Variants in METTL15 observed in about 807,000 individuals in gnomAD.
METTL15 encodes the protein 12S rRNA N(4)-cytidine methyltransferase METTL15.
A neutral mutation model predicts 38.3 loss-of-function variants in METTL15; 34 were observed. The observed-to-expected ratio is 0.89, with a 90% CI of 0.68 to 1.18. The LOEUF (loss-of-function observed/expected upper bound fraction) is 1.18, where lower values mean the gene tolerates loss of function less well. Among genes scored for constraint, METTL15 ranks in the 50% most tolerant of loss-of-function variants. The probability of loss-of-function intolerance (pLI) is 0.00; values close to 1 mark genes in which losing one functional copy is unlikely to be tolerated. For missense variants in METTL15, 438 were observed against 498.4 expected (o/e 0.88, Z 1.15); for synonymous variants, 162 against 170.9 (o/e 0.95, Z 0.41).
At chr11:28,149,552 G>C (rs1031453840) in intron 3 of METTL15, among the ~76,000 whole-genome samples, 1 of 151,862 alleles carries the variant, frequency 6.6e-6, no homozygotes, top group South Asian at 2.1e-4. Context: ...CTAGGCCGTG[G>C]TGCCTTCATA....
At chr11:28,377,884 C>T (rs1850335613) in intron 5 of METTL15, among the ~76,000 whole-genome samples, 1 of 151,936 alleles carries the variant, frequency 6.6e-6, no homozygotes, top group Admixed American at 6.6e-5. Context: ...AGACAGGACC[C>T]TCAGCTGCAG....
intron 3 of METTL15, chr11:28,122,036 T>C: frequency 1.0e-5 from 6 of 581,192 alleles, no homozygotes; most frequent in Non-Finnish European, 1.4e-5. Context: ...TAATAAATTG[T>C]ATATGATATT....
At chr11:28,351,942 C>T (rs1044987713) in intron 3 of METTL15, 1 of 152,038 alleles carries the variant, frequency 6.6e-6, no homozygotes, top group African/African-American at 2.4e-5. Context: ...CCTTAATTTC[C>T]CCCAATAGGG....
chr11:28,371,264 C>T (rs1441225608), intron 5 of METTL15, among the ~76,000 whole-genome samples: 2 of 152,036 alleles, frequency 1.3e-5, no homozygotes, highest in Non-Finnish European at 2.9e-5. Flanking sequence ...GTTTTCATAG[C>T]ATCATTTGTT....
At chr11:28,383,682 G>A (rs997093374) in intron 5 of METTL15, among the ~76,000 whole-genome samples, 21 of 152,000 alleles carry the variant, frequency 1.4e-4, no homozygotes, top group Admixed American at 2.6e-4. Context: ...ATAGTATCTC[G>A]TGGTTTTGAT....
At chr11:28,316,705 G>A (rs894234770) in intron 6 of METTL15, among the ~76,000 whole-genome samples, 6 of 152,160 alleles carry the variant, frequency 3.9e-5, no homozygotes, top group Non-Finnish European at 8.8e-5. Context: ...AGGACCTGGT[G>A]GAAGATGACT....
intron 4 of METTL15, chr11:28,261,305 G>T (rs1331567217): frequency 6.6e-6 from 1 of 152,200 alleles, no homozygotes. Context: ...GGAGATTTTA[G>T]TGGGGAAGCA....
chr11:28,409,368 C>T lies in METTL15; in HGVS notation c.*359-14931C>T, dbSNP rs1480974586. Among the ~76,000 whole-genome samples, 22 of 104,782 alleles carry T rather than the reference C, an allele frequency of 2.1e-4. No homozygotes were observed. The Admixed American group carries it at 2.4e-3, about 12-fold the overall frequency. 68.7% of individuals were successfully genotyped at this position (104,782 alleles called of 152,430 possible). A position where few individuals can be genotyped will look rare whatever the true frequency, so the allele number is the denominator to read the frequency against. ...CTGCACTCCAGCCTGGGAGACAGAG[C>T]GAGACTCCGTCTCAAAAAAAAAAAA... is the stretch of plus-strand genomic sequence containing the variant. On this transcript the variant is annotated intron_variant and NMD_transcript_variant, in intron 5 of 7. Coordinates refer to the METTL15 transcript ENST00000532947.
At chr11:28,481,375 C>T (rs1270709759) in intron 6 of METTL15, among the ~76,000 whole-genome samples, 1 of 152,138 alleles carries the variant, frequency 6.6e-6, no homozygotes, top group African/African-American at 2.4e-5. Context: ...ACAAATACAC[C>T]TTCTTGTCCT....
chr11:28,240,824 G>GT (rs1460423414), intron 4 of METTL15, among the ~76,000 whole-genome samples: 1 of 152,030 alleles, frequency 6.6e-6, no homozygotes, highest in African/African-American at 2.4e-5. Context: ...GGATAGCCAA[G>GT]TTTTTTTAAT....
At chr11:28,323,986 A>G (rs1022127284) in intron 6 of METTL15, among the ~76,000 whole-genome samples, 6 of 152,192 alleles carry the variant, frequency 3.9e-5, no homozygotes, top group Non-Finnish European at 7.3e-5. Context: ...TCAAAATTGT[A>G]TTGAAATTAG....
At chr11:28,305,448 T>C (rs1857051096) in intron 6 of METTL15, among the ~76,000 whole-genome samples, 1 of 152,180 alleles carries the variant, frequency 6.6e-6, no homozygotes. Context: ...CAGCAACCCA[T>C]GAGGCTGGTA....
At chr11:28,296,731 A>G in intron 5 of METTL15, 22 bp from the exon 6 acceptor site, 1 of 1,611,088 alleles carries the variant, frequency 6.2e-7, no homozygotes, top group East Asian at 2.2e-5. Context: ...TCAGTGAACT[A>G]ATTGGCTCTT....
At chr11:28,364,742 G>T (rs1850170472) in intron 5 of METTL15, among the ~76,000 whole-genome samples, 1 of 152,106 alleles carries the variant, frequency 6.6e-6, no homozygotes, top group Non-Finnish European at 1.5e-5. Flanking sequence ...GTAAGAGTAG[G>T]CATCTTTGTC....
chr11:28,339,410 C>T (rs1849930127), intron 3 of METTL15, among the ~76,000 whole-genome samples: 1 of 151,624 alleles, frequency 6.6e-6, no homozygotes. Flanking sequence ...AAGTATAGTA[C>T]TCAACTTTAA....
chr11:28,285,186 C>T (rs921401061), intron 4 of METTL15, among the ~76,000 whole-genome samples: 4 of 152,124 alleles, frequency 2.6e-5, no homozygotes, highest in African/African-American at 9.7e-5. Context: ...AACTAAATCT[C>T]TTTCCTTTAC....
intron 5 of METTL15, among the ~76,000 whole-genome samples, chr11:28,408,214 A>G (rs1272159644): frequency 1.3e-5 from 2 of 152,176 alleles, no homozygotes; most frequent in African/African-American, 2.4e-5. Context: ...GCGGGGCTTA[A>G]TACTTCGGTG....
At chr11:28,382,424 G>A (rs7111118) in intron 5 of METTL15, among the ~76,000 whole-genome samples, 1 of 152,048 alleles carries the variant, frequency 6.6e-6, no homozygotes, top group Admixed American at 6.6e-5. Context: ...ACCCAAAATG[G>A]CTAGGAAGAT....
rs567091529 is a variant in METTL15 at position 28,349,446 on chromosome 11, A to G, written c.*190-2644A>G. ...ACTAATATATTGTCTAAATAAAGGAAAGGAAAGAGGAAGATATAGAGCTAC... is the reference window on the plus strand; with the variant it reads ...ACTAATATATTGTCTAAATAAAGGAGAGGAAAGAGGAAGATATAGAGCTAC... On this transcript the variant is annotated intron_variant and NMD_transcript_variant, in intron 3 of 7. Transcript: ENST00000532947. 1.2e-4 allele frequency among the ~76,000 whole-genome samples: 19 copies of G among 152,352 alleles called. No individual in the cohort carries two copies. The South Asian group carries it at 3.5e-3, about 28-fold the overall frequency.
Sources: gnomAD v4.1 joint callset for allele counts (sites outside exome capture counted in the v4.1 genomes callset) on GRCh38, gnomAD v4.1.1 for gene constraint, MANE v1.5 for transcripts, NCBI Gene and HGNC (gene_info 2026-07-23, HGNC 2026-07-21) for gene names.